The following LRRC4B variants were observed in gnomAD, a reference collection of about 807,000 sequenced individuals.
LRRC4B encodes leucine-rich repeat-containing protein 4B.
A neutral mutation model predicts 7.3 loss-of-function variants in LRRC4B; 1 was observed. That is an observed-to-expected ratio of 0.14 (90% confidence interval 0.05 to 0.65). The LOEUF is 0.65. Ranked by LOEUF, LRRC4B falls within the 30% of genes least tolerant of loss-of-function variation. The pLI, the probability that LRRC4B is intolerant of heterozygous loss-of-function variation, is 0.84. For synonymous variants in LRRC4B, 500 were observed against 499.2 expected, an observed-to-expected ratio of 1.00 and a Z score of -0.02; for missense variants, 730 against 1,041.6, an observed-to-expected ratio of 0.70 and a Z score of 4.12.
In LRRC4B at chr19:50,554,088, G is replaced by C. The variant is rs539879804; in HGVS notation, c.-35-5215C>G. Among the ~76,000 whole-genome samples the C allele has an allele frequency of 2.2e-3, 323 of 149,788 alleles. 1 individual carries two copies. Among genetic ancestry groups the C allele is most frequent in the Admixed American group, 4.6e-3 (68 of 14,816 alleles). On this transcript the variant is annotated intron_variant, in intron 1 of 2. Coordinates refer to ENST00000652263, the MANE Select transcript of LRRC4B (RefSeq NM_001080457.2). ...AGCTCATGGCAACCTCTACCTCCTG[G>C]GTTCAAGCAATTCTCCTGCCCCAGC...
chr19:50,559,621 G>A (rs1982399347), intron 1 of LRRC4B, among the ~76,000 whole-genome samples: 1 of 152,250 alleles, frequency 6.6e-6, no homozygotes, highest in Non-Finnish European at 1.5e-5. Context: ...GAGCGAGTTT[G>A]CAGGTTGGGA....
rs1216120326 is a variant in LRRC4B at position 50,551,618 on chromosome 19, C to G, written c.-35-2745G>C. On this transcript the variant is annotated intron_variant, in intron 1 of 2. Coordinates refer to ENST00000652263, the MANE Select transcript of LRRC4B (RefSeq NM_001080457.2). ...CCTCAACCCCCTCCTGAGTCTCCCC[C>G]CTCACAATCTTGCCTCCCTCGGGAC... Among the ~76,000 whole-genome samples the G allele has an allele frequency of 2.1e-5, 3 of 142,620 alleles. No individual in the cohort carries two copies. The East Asian group carries it at 6.5e-4, about 31-fold the overall frequency. 93.6% of individuals were successfully genotyped at this position (142,620 alleles called of 152,430 possible). A position where few individuals can be genotyped will look rare whatever the true frequency, so the allele number is the denominator to read the frequency against.
intron 1 of LRRC4B, among the ~76,000 whole-genome samples, chr19:50,564,884 C>A (rs529046630): frequency 2.3e-4 from 35 of 152,126 alleles, no homozygotes; most frequent in African/African-American, 6.3e-4. Flanking sequence ...CACCCCCGCC[C>A]CCAATCCCCA....
chr19:50,561,287 C>A (rs1982452964), intron 1 of LRRC4B, among the ~76,000 whole-genome samples: 1 of 152,070 alleles, frequency 6.6e-6, no homozygotes, highest in South Asian at 2.1e-4. Flanking sequence ...TTTGCCCTTC[C>A]CGCAACAAGA....
chr19:50,564,945 G>GTGTGTGTGCAGGCACA (rs1452447177), intron 1 of LRRC4B, among the ~76,000 whole-genome samples: 1 of 152,130 alleles, frequency 6.6e-6, no homozygotes, highest in Non-Finnish European at 1.5e-5. Context: ...GGCCCTGAGG[G>GTGTGTGTGCAGGCACA]TGTGTGTGCA....
Position 50,518,148 on chromosome 19 carries a change from C to T in LRRC4B, c.1565G>A (p.Trp522Ter), listed in dbSNP as rs770117556. Residue 522 changes from tryptophan to a stop codon, truncating the protein, a stop_gained, in exon 3 of 3, where the codon TGG (tryptophan) becomes TAG (stop). Coordinates refer to ENST00000652263, the MANE Select transcript of LRRC4B (RefSeq NM_001080457.2). LOFTEE classifies it low-confidence loss of function (END_TRUNC). ...EPPGPTTDGV[W>*]GGGRPGDAAG... ...CGCGTCCCCAGGCCGGCCCCCACCC[C>T]AGACACCGTCTGTCGTGGGCCCTGG... 1 of 1,604,682 alleles carries T rather than the reference C, an allele frequency of 6.2e-7. No individual in the cohort carries two copies. Among genetic ancestry groups the T allele is most frequent in the Non-Finnish European group, 8.5e-7 (1 of 1,177,824 alleles).
intron 1 of LRRC4B, among the ~76,000 whole-genome samples, chr19:50,559,806 G>C (rs993101309): frequency 6.6e-6 from 1 of 152,240 alleles, no homozygotes; most frequent in Non-Finnish European, 1.5e-5. Context: ...TCTCAGACAT[G>C]AATGTGTGTC....
rs891489612 is a variant in LRRC4B, at chr19:50,555,112, T to C, written c.-35-6239A>G. ...ACTGCCCTCTGCCCCCACGCACCCC[T>C]AGTAGTGATGGGAAATACTGATTAC... On this transcript the variant is annotated intron_variant, in intron 1 of 2. Coordinates refer to ENST00000652263, the MANE Select transcript of LRRC4B (RefSeq NM_001080457.2). This position sits in a 1 kb window ranked among gnomAD's most constrained non-coding sequence, Gnocchi z 5.2. Among the ~76,000 whole-genome samples the C allele has an allele frequency of 6.6e-6, 1 of 152,150 alleles. No homozygotes were observed. Among genetic ancestry groups the C allele is most frequent in the Non-Finnish European group, 1.5e-5 (1 of 68,020 alleles).
Position 50,517,901 on chromosome 19 carries a change from C to G in LRRC4B, c.1812G>C (p.Gln604His), listed in dbSNP as rs1485733980. Residue 604 changes from glutamine to histidine, a missense_variant, in exon 3 of 3, where the codon CAG becomes CAC. Gln to His is a conservative substitution (Grantham distance 24). Coordinates refer to ENST00000652263, the MANE Select transcript of LRRC4B (RefSeq NM_001080457.2). This position sits in a 1 kb window ranked among gnomAD's most constrained non-coding sequence, Gnocchi z 6.6. ...VAFYKLRKQH[Q>H]LHKHHGPTRT... ...GCGTGGGCCCGTGGTGCTTGTGGAGCTGGTGCTGCTTGCGCAGCTTGTAGA... is the reference window on the plus strand; with the variant it reads ...GCGTGGGCCCGTGGTGCTTGTGGAGGTGGTGCTGCTTGCGCAGCTTGTAGA... 1 of 1,588,900 alleles carries G rather than the reference C, an allele frequency of 6.3e-7. No homozygotes were observed. The highest frequency in any genetic ancestry group is 8.5e-7 in the Non-Finnish European group (1 of 1,171,832).
chr19:50,551,907 C>A (rs568653698), intron 1 of LRRC4B, among the ~76,000 whole-genome samples: 1 of 145,418 alleles, frequency 6.9e-6, no homozygotes, highest in Non-Finnish European at 1.5e-5. Context: ...ACGGGGAGGG[C>A]GCCTCTCCTC....
chr19:50,535,352 A>G (rs1981235141), intron 2 of LRRC4B, among the ~76,000 whole-genome samples: 1 of 151,742 alleles, frequency 6.6e-6, no homozygotes, highest in African/African-American at 2.4e-5. Flanking sequence ...TTTGTATTTT[A>G]GTAGAGACAA....
At chr19:50,547,838 T>C (rs1432606162) in intron 2 of LRRC4B, among the ~76,000 whole-genome samples, 1 of 151,506 alleles carries the variant, frequency 6.6e-6, no homozygotes, top group Non-Finnish European at 1.5e-5. Flanking sequence ...ATCAGAGTCA[T>C]CATTAATTGA....
chr19:50,542,401 A>T (rs1204219021), intron 2 of LRRC4B, among the ~76,000 whole-genome samples: 1 of 151,684 alleles, frequency 6.6e-6, no homozygotes, highest in African/African-American at 2.4e-5. Context: ...CTGAGGCTCC[A>T]GGCTTGCAGG....
At chr19:50,552,126 G>A (rs1474791959) in intron 1 of LRRC4B, among the ~76,000 whole-genome samples, 1 of 152,064 alleles carries the variant, frequency 6.6e-6, no homozygotes, top group Non-Finnish European at 1.5e-5. Context: ...GAGCCTCATG[G>A]CACACAGACA....
At chr19:50,531,832 C>T (rs1465716229) in intron 2 of LRRC4B, among the ~76,000 whole-genome samples, 1 of 152,188 alleles carries the variant, frequency 6.6e-6, no homozygotes, top group Non-Finnish European at 1.5e-5. Context: ...TTGGACAAGA[C>T]AGTGAGCGCT....
rs1395452973 is a variant in LRRC4B, at chr19:50,518,737, G to A, written c.976C>T (p.Leu326Phe). The A allele has an allele frequency of 6.2e-7, 1 of 1,613,928 alleles. No individual in the cohort carries two copies. The highest frequency in any genetic ancestry group is 1.3e-5 in the African/African-American group (1 of 74,946). ...NCDVLWLSWW[L>F]KETVPSNTTC... ...GTGTTGCTGGGCACCGTCTCCTTGA[G>A]CCACCAGCTCAGCCAGAGCACGTCG... is the stretch of plus-strand genomic sequence containing the variant. Residue 326 changes from leucine (L) to phenylalanine (F), a missense_variant, in exon 3 of 3, where the codon CTC (leucine) becomes TTC (phenylalanine). Around this residue, in one of 6 missense-constraint regions of LRRC4B, gnomAD observed 226 missense variants for 448.0 expected, o/e 0.50. Transcript: ENST00000652263.
At chr19:50,538,510 T>C (rs1306305273) in intron 2 of LRRC4B, among the ~76,000 whole-genome samples, 2 of 151,876 alleles carry the variant, frequency 1.3e-5, no homozygotes, top group African/African-American at 4.8e-5. Flanking sequence ...TTTGCCTTGA[T>C]AATGCACTAT....
At chr19:50,560,000 A>T (rs1361267477) in intron 1 of LRRC4B, among the ~76,000 whole-genome samples, 1 of 152,178 alleles carries the variant, frequency 6.6e-6, no homozygotes, top group African/African-American at 2.4e-5. Flanking sequence ...CTGGGCGTGG[A>T]GGCACCTGCC....
chr19:50,566,616 A>G (rs538857106), intron 1 of LRRC4B, among the ~76,000 whole-genome samples: 2 of 150,930 alleles, frequency 1.3e-5, no homozygotes, highest in Admixed American at 1.3e-4. Context: ...GGCTCTGGAG[A>G]CTCGAGTCCT....
Sources: gnomAD v4.1 joint callset for allele counts (sites outside exome capture counted in the v4.1 genomes callset) on GRCh38, gnomAD v4.1.1 for gene constraint, gnomAD v4.1.1 regional missense constraint, Gnocchi (gnomAD v3.1) non-coding constraint, MANE v1.5 for transcripts, NCBI Gene and HGNC (gene_info 2026-07-23, HGNC 2026-07-21) for gene names.